Variants in GMDS observed in about 807,000 individuals in gnomAD.
The protein encoded by GMDS is GDP-mannose 4,6 dehydratase.
GMDS carries 20 observed loss-of-function variants against 49.9 expected under a neutral mutation model. The ratio of observed to expected loss-of-function variants is 0.40; its 90% CI spans 0.28 to 0.58. The LOEUF is 0.58. Among genes scored for constraint, GMDS ranks in the 20% least tolerant of loss-of-function variants. The pLI, the probability that GMDS is intolerant of heterozygous loss-of-function variation, is 0.42. For synonymous variants in GMDS, 177 were observed against 178.6 expected (o/e 0.99, Z 0.07); for missense variants, 362 against 481.4 (o/e 0.75, Z 2.32).
chr6:1,637,610 C>G (rs1040499864), intron 9 of GMDS, among the ~76,000 whole-genome samples: 1 of 152,220 alleles, frequency 6.6e-6, no homozygotes, highest in African/African-American at 2.4e-5. Context: ...AGGGGAAGCA[C>G]GTTCCGCACC....
intron 1 of GMDS, among the ~76,000 whole-genome samples, chr6:2,141,530 C>A (rs1776286296): frequency 6.6e-6 from 1 of 152,166 alleles, no homozygotes; most frequent in Non-Finnish European, 1.5e-5. Flanking sequence ...AGGTAGGTGC[C>A]CACCTCCTGA....
At chr6:2,044,309 C>T (rs1769864561) in intron 4 of GMDS, among the ~76,000 whole-genome samples, 1 of 152,150 alleles carries the variant, frequency 6.6e-6, no homozygotes, top group Non-Finnish European at 1.5e-5. Context: ...TGAAATCAAC[C>T]TAAATGTCCA....
intron 4 of GMDS, among the ~76,000 whole-genome samples, chr6:2,064,456 T>C (rs1771404565): frequency 6.6e-6 from 1 of 152,178 alleles, no homozygotes; most frequent in South Asian, 2.1e-4. Context: ...TGCAAAATCC[T>C]TCTTGACTGA....
intron 4 of GMDS, among the ~76,000 whole-genome samples, chr6:2,034,528 T>G (rs762778280): frequency 4.5e-4 from 69 of 152,312 alleles, no homozygotes; most frequent in Non-Finnish European, 7.6e-4. Context: ...CTGAATGTTG[T>G]ACTTTAAATA....
chr6:2,177,703 A>G (rs2127559465), intron 1 of GMDS, among the ~76,000 whole-genome samples: 1 of 152,310 alleles, frequency 6.6e-6, no homozygotes, highest in South Asian at 2.1e-4. Context: ...TAAAAATAAT[A>G]AGAACCATGT....
chr6:1,845,583 G>GT (rs1757361773), intron 7 of GMDS, among the ~76,000 whole-genome samples: 1 of 152,180 alleles, frequency 6.6e-6, no homozygotes, highest in East Asian at 1.9e-4. Flanking sequence ...TCTGAATGCT[G>GT]TAAGTCAGCG....
chr6:1,646,757 T>C (rs2745565), intron 9 of GMDS, among the ~76,000 whole-genome samples: 2 of 152,146 alleles, frequency 1.3e-5, no homozygotes, highest in African/African-American at 4.8e-5. Flanking sequence ...TATCCTGCAT[T>C]CAGGAAAAGT....
chr6:2,165,921 A>C (rs1019264874), intron 1 of GMDS, among the ~76,000 whole-genome samples: 3 of 152,194 alleles, frequency 2.0e-5, no homozygotes, highest in African/African-American at 7.2e-5. Flanking sequence ...TGAACAGTAG[A>C]CTTGACAAAG....
chr6:1,694,153 C>T (rs1205404992), intron 9 of GMDS, among the ~76,000 whole-genome samples: 2 of 152,108 alleles, frequency 1.3e-5, no homozygotes, highest in Admixed American at 6.5e-5. Flanking sequence ...CATAATGATG[C>T]CAATTACTCT....
intron 9 of GMDS, among the ~76,000 whole-genome samples, chr6:1,689,765 G>T (rs11242715): frequency 2.0e-5 from 3 of 152,060 alleles, no homozygotes; most frequent in African/African-American, 7.2e-5. Flanking sequence ...TCTAGCAAAT[G>T]ATCACCTCAT....
intron 4 of GMDS, among the ~76,000 whole-genome samples, chr6:1,991,932 G>C (rs187296049): frequency 2.3e-3 from 348 of 152,302 alleles, no homozygotes; most frequent in Non-Finnish European, 3.4e-3. Context: ...AGGACAGATC[G>C]GAGTTACGCA....
At chr6:2,108,781 G>C (rs990469810) in intron 4 of GMDS, among the ~76,000 whole-genome samples, 1 of 152,168 alleles carries the variant, frequency 6.6e-6, no homozygotes, top group African/African-American at 2.4e-5. Context: ...CAGGAAGACT[G>C]AGTGGCATCA....
chr6:1,642,517 AT>A (rs1763362706), intron 9 of GMDS, among the ~76,000 whole-genome samples: 1 of 152,084 alleles, frequency 6.6e-6, no homozygotes, highest in Non-Finnish European at 1.5e-5. Flanking sequence ...TGTTGCTCAG[AT>A]TTGTCTGAAA....
chr6:1,938,609 C>T (rs1196873250), intron 6 of GMDS, among the ~76,000 whole-genome samples: 1 of 151,892 alleles, frequency 6.6e-6, no homozygotes, highest in Non-Finnish European at 1.5e-5. Flanking sequence ...TTCCTGTTTT[C>T]TTTGGTATTC....
At chr6:2,012,873 C>T (rs191909639) in intron 4 of GMDS, among the ~76,000 whole-genome samples, 221 of 152,134 alleles carry the variant, frequency 1.5e-3, no homozygotes, top group African/African-American at 5.3e-3. Flanking sequence ...AGAGAAAACC[C>T]CCTCCTGTTG....
chr6:2,208,567 T>C (rs561769706), intron 1 of GMDS, among the ~76,000 whole-genome samples: 2 of 152,298 alleles, frequency 1.3e-5, no homozygotes, highest in African/African-American at 4.8e-5. Context: ...AAAGAGGTGG[T>C]ACTGATGGAG....
In GMDS at chr6:1,997,858, A is replaced by G. The variant is rs543705788; in HGVS notation, c.346-36892T>C. On this transcript the variant is annotated intron_variant, in intron 4 of 10. Coordinates refer to ENST00000380815, the MANE Select transcript of GMDS (RefSeq NM_001500.4). ...CAAGCAGGCTATGAAGGGTCAATGA[A>G]CACTGGAAGAAGACCAAAAATGGGA... is the stretch of plus-strand genomic sequence containing the variant. Among the ~76,000 whole-genome samples the G allele has an allele frequency of 2.6e-5, 4 of 152,304 alleles. No individual in the cohort carries two copies. The South Asian group carries it at 8.3e-4, about 32-fold the overall frequency.
intron 4 of GMDS, among the ~76,000 whole-genome samples, chr6:2,108,816 G>A (rs763601408): frequency 1.4e-4 from 22 of 152,268 alleles, no homozygotes; most frequent in Non-Finnish European, 7.3e-5. Flanking sequence ...ACTAGGTAGC[G>A]TGTGGCTGCT....
chr6:2,130,756 G>GA lies in GMDS; in HGVS notation c.103-6026dup, dbSNP rs574560448. Among the ~76,000 whole-genome samples the GA allele has an allele frequency of 5.7e-3, 863 of 150,836 alleles. 2 individuals are homozygous for GA. The highest frequency in any genetic ancestry group is 0.017 in the Middle Eastern group (5 of 294). On this transcript the variant is annotated intron_variant, in intron 1 of 10. Coordinates refer to ENST00000380815, the MANE Select transcript of GMDS (RefSeq NM_001500.4). ...GTTATGTCCATGATTAGTTTGATAA[G>GA]AAAAAAAAGATTTACATATAAAAAA...
Sources: allele counts gnomAD v4.1 joint callset (sites outside exome capture counted in the v4.1 genomes callset), GRCh38; gene constraint gnomAD v4.1.1; transcripts MANE v1.5; gene names NCBI Gene and HGNC (gene_info 2026-07-23, HGNC 2026-07-21).